Variants in DAB1 observed in about 807,000 individuals in gnomAD.
DAB1 encodes the protein DAB adaptor protein 1.
A neutral mutation model predicts 64.6 loss-of-function variants in DAB1; 15 were observed. That is an observed-to-expected ratio of 0.23 (90% CI 0.16 to 0.36). The LOEUF (loss-of-function observed/expected upper bound fraction) is 0.36, where lower values mean the gene tolerates loss of function less well. Among genes scored for constraint, DAB1 ranks in the 10% least tolerant of loss-of-function variants. The pLI is 1.00. For synonymous variants in DAB1, 235 were observed against 251.9 expected, an observed-to-expected ratio of 0.93 and a Z score of 0.64; for missense variants, 596 against 706.7, an observed-to-expected ratio of 0.84 and a Z score of 1.78.
At chr1:57,253,264 A>G (rs1332946835) in intron 2 of DAB1, among the ~76,000 whole-genome samples, 4 of 152,148 alleles carry the variant, frequency 2.6e-5, no homozygotes, top group Non-Finnish European at 5.9e-5. Flanking sequence ...TTACCGGCTG[A>G]GTGACTGTTA....
chr1:57,217,327 T>C (rs1045159217), intron 2 of DAB1, among the ~76,000 whole-genome samples: 22 of 152,192 alleles, frequency 1.4e-4, no homozygotes, highest in African/African-American at 5.3e-4. Context: ...TAAAGTCTGG[T>C]CTTTTCTATT....
intron 2 of DAB1, among the ~76,000 whole-genome samples, chr1:57,277,055 T>C (rs1214088082): frequency 6.6e-6 from 1 of 152,202 alleles, no homozygotes; most frequent in East Asian, 1.9e-4. Flanking sequence ...AATTACCATG[T>C]TGACAATTCT....
intron 2 of DAB1, among the ~76,000 whole-genome samples, chr1:58,521,745 TTAAAGA>T (rs1186419581): frequency 6.6e-6 from 1 of 152,164 alleles, no homozygotes; most frequent in African/African-American, 2.4e-5. Flanking sequence ...TCTATATCTA[TTAAAGA>T]GACTGAATCC....
intron 7 of DAB1, among the ~76,000 whole-genome samples, chr1:57,529,996 G>A (rs1170104342): frequency 6.6e-6 from 1 of 152,002 alleles, no homozygotes; most frequent in African/African-American, 2.4e-5. Context: ...TATGCTCTGT[G>A]ATGGGTGGTA....
At chr1:57,899,942 T>TC (rs1049562558) in intron 5 of DAB1, among the ~76,000 whole-genome samples, 9 of 151,684 alleles carry the variant, frequency 5.9e-5, no homozygotes, top group Non-Finnish European at 1.3e-4. Context: ...TTTTTCTTTT[T>TC]TTTTTTTATT....
At chr1:57,199,542 C>G (rs188318689) in intron 2 of DAB1, among the ~76,000 whole-genome samples, 3 of 152,282 alleles carry the variant, frequency 2.0e-5, no homozygotes, top group Middle Eastern at 3.4e-3. Context: ...GGAAGAAGAC[C>G]GCGGGCTATG....
At chr1:57,206,968 CTTTT>C (rs201111039) in intron 2 of DAB1, among the ~76,000 whole-genome samples, 30 of 84,492 alleles carry the variant, frequency 3.6e-4, no homozygotes, top group African/African-American at 1.5e-3. Flanking sequence ...TCCTTCCTTC[CTTTT>C]TTTTTTTTTT....
chr1:57,979,886 C>T (rs974799732), intron 5 of DAB1, among the ~76,000 whole-genome samples: 3 of 152,142 alleles, frequency 2.0e-5, no homozygotes, highest in African/African-American at 4.8e-5. Context: ...CTTCTGAGCT[C>T]CCCCTAAAAT....
At chr1:57,579,577 G>A (rs960223615) in intron 7 of DAB1, among the ~76,000 whole-genome samples, 10 of 151,996 alleles carry the variant, frequency 6.6e-5, no homozygotes, top group African/African-American at 1.7e-4. Flanking sequence ...TTACAGACTC[G>A]TGGGTTTGAA....
chr1:58,277,056 TTGAGACA>T (rs1289407582), intron 4 of DAB1, among the ~76,000 whole-genome samples: 19 of 147,372 alleles, frequency 1.3e-4, no homozygotes, highest in African/African-American at 4.8e-4. Context: ...TTTTTTTTTT[TTGAGACA>T]GAGTCTCGCT....
intron 3 of DAB1, among the ~76,000 whole-genome samples, chr1:58,436,358 C>G (rs1351481229): frequency 6.6e-6 from 1 of 152,128 alleles, no homozygotes; most frequent in Non-Finnish European, 1.5e-5. Context: ...AGGAAATATC[C>G]CCTATCCTAC....
At chr1:57,466,047 C>A (rs1042169771) in intron 7 of DAB1, among the ~76,000 whole-genome samples, 40 of 152,166 alleles carry the variant, frequency 2.6e-4, no homozygotes, top group African/African-American at 9.4e-4. Flanking sequence ...GATGCAAGAC[C>A]CTGGTTAAGA....
intron 2 of DAB1, among the ~76,000 whole-genome samples, chr1:57,248,158 A>G (rs913303249): frequency 2.0e-5 from 3 of 152,240 alleles, no homozygotes; most frequent in African/African-American, 4.8e-5. Flanking sequence ...TAGATCACTT[A>G]TAACAATGAA....
intron 7 of DAB1, among the ~76,000 whole-genome samples, chr1:57,638,354 T>G (rs917668056): frequency 6.6e-6 from 1 of 152,216 alleles, no homozygotes; most frequent in African/African-American, 2.4e-5. Flanking sequence ...TTTTTCATTT[T>G]ATGAAGTACA....
chr1:58,539,210 T>C (rs147669762), intron 1 of DAB1: 1 of 872,848 alleles, frequency 1.1e-6, no homozygotes. Flanking sequence ...GCTAATGTGT[T>C]ACATTTTCTC....
At chr1:57,459,103 C>G (rs2101173698) in intron 7 of DAB1, among the ~76,000 whole-genome samples, 1 of 152,138 alleles carries the variant, frequency 6.6e-6, no homozygotes, top group East Asian at 1.9e-4. Context: ...AACCTATTAT[C>G]AAAATAAACT....
chr1:57,947,411 C>T (rs1202787), intron 5 of DAB1, among the ~76,000 whole-genome samples: 5,731 of 152,188 alleles, frequency 0.038, 358 homozygotes, highest in African/African-American at 0.13. Context: ...TCAACCTTAG[C>T]GCTATTGACA....
upstream of DAB1, among the ~76,000 whole-genome samples, chr1:57,425,683 CAAG>C (rs1308045417): frequency 1.3e-5 from 2 of 152,136 alleles, no homozygotes; most frequent in Non-Finnish European, 2.9e-5. Flanking sequence ...TGCAATCTTG[CAAG>C]AAGAGTTGAT....
chr1:57,033,593 T>C (rs1647033782), intron 9 of DAB1: 1 of 1,604,500 alleles, frequency 6.2e-7, no homozygotes, highest in Non-Finnish European at 8.5e-7. Flanking sequence ...GAAGGGATGA[T>C]GAATGAGGAT....
Sources: gnomAD v4.1 joint callset for allele counts (sites outside exome capture counted in the v4.1 genomes callset) on GRCh38, gnomAD v4.1.1 for gene constraint, MANE v1.5 for transcripts, NCBI Gene and HGNC (gene_info 2026-07-23, HGNC 2026-07-21) for gene names.